CDC25A: variants seen among roughly 807,000 people sequenced by gnomAD.
CDC25A encodes the protein cell division cycle 25A.
A neutral mutation model predicts 64.6 loss-of-function variants in CDC25A; 17 were observed. The observed-to-expected ratio is 0.26, with a 90% CI of 0.18 to 0.39. The LOEUF (loss-of-function observed/expected upper bound fraction) is 0.39, where lower values mean the gene tolerates loss of function less well. Ranked by LOEUF, CDC25A falls within the 10% of genes least tolerant of loss-of-function variation. The pLI is 1.00. For missense variants in CDC25A, 473 were observed against 654.8 expected, an observed-to-expected ratio of 0.72 and a Z score of 3.03; for synonymous variants, 229 against 238.6, an observed-to-expected ratio of 0.96 and a Z score of 0.37.
Position 48,159,100 on chromosome 3 carries a change from G to A in CDC25A, c.1435-15C>T. 2 of 1,613,764 alleles carry A rather than the reference G, an allele frequency of 1.2e-6. No homozygotes were observed. The highest frequency in any genetic ancestry group is 1.7e-6 in the Non-Finnish European group (2 of 1,179,804). ...TCACAGTAAGACTGAGGGGACAGGA[G>A]AGAATAAGGTTAGGGTACACCTGCC... is the stretch of plus-strand genomic sequence containing the variant. On this transcript the variant is annotated splice_polypyrimidine_tract_variant and intron_variant, in intron 14 of 14. Transcript: ENST00000302506.
Position 48,177,454 on chromosome 3 carries a change from G to C in CDC25A, c.685-12C>G. ...GTCTCCTCCTCATTCTAAAGAAACA[G>C]AAAAACTGATTTTAAAAAGAGCCTG... On this transcript the variant is annotated splice_polypyrimidine_tract_variant and intron_variant, in intron 7 of 14. Transcript: ENST00000302506. The C allele has an allele frequency of 6.2e-7, 1 of 1,608,338 alleles. No individual in the cohort carries two copies. The highest frequency in any genetic ancestry group is 8.5e-7 in the Non-Finnish European group (1 of 1,175,410).
rs1321477720 is a variant in CDC25A, at chr3:48,180,807, C to T, written c.463G>A (p.Val155Ile). ...TGAGAGTGCAGGCAGCCACGAGATA[C>T]AGGTCTTACTGGCTTCTTAAACTCA... is the stretch of plus-strand genomic sequence containing the variant. ...AFEFKKPVRP[V>I]SRGCLHSHGL... is the part of the protein sequence containing the mutation. Residue 155 changes from valine (V) to isoleucine (I), a missense_variant, in exon 6 of 15, where the codon GTA becomes ATA. Around this residue, in one of 2 missense-constraint regions of CDC25A, gnomAD observed 376 missense variants for 431.9 expected, o/e 0.87. Transcript: ENST00000302506. The T allele has an allele frequency of 2.5e-6, 4 of 1,613,962 alleles. No individual in the cohort carries two copies. The highest frequency in any genetic ancestry group is 4.5e-5 in the East Asian group (2 of 44,902).
intron 4 of CDC25A, among the ~76,000 whole-genome samples, chr3:48,183,441 TC>T (rs2032738877): frequency 6.6e-6 from 1 of 152,176 alleles, no homozygotes; most frequent in Admixed American, 6.5e-5. Context: ...TTGCCTATAA[TC>T]CTAGCACTTT....
intron 9 of CDC25A, among the ~76,000 whole-genome samples, chr3:48,172,870 G>C (rs1425321064): frequency 1.3e-5 from 2 of 149,214 alleles, no homozygotes; most frequent in Admixed American, 1.3e-4. Flanking sequence ...TCAGAAACAG[G>C]AAACAACAAA....
At position 48,181,111 on chromosome 3, in the gene CDC25A, C is replaced by T. The variant is rs937361470; in HGVS notation, c.430-271G>A. 7.2e-5 allele frequency among the ~76,000 whole-genome samples: 11 copies of T among 152,234 alleles called. No individual in the cohort carries two copies. In the East Asian group the frequency reaches 2.1e-3, roughly 29 times the overall value. On this transcript the variant is annotated intron_variant, in intron 5 of 14. Transcript: ENST00000302506. ...CACGATGAATAAGCTAAATCACAAA[C>T]TTTCTGAAATCTAAAGCAAAAATAA... is the stretch of plus-strand genomic sequence containing the variant.
chr3:48,171,539 C>T (rs991375284), intron 9 of CDC25A, among the ~76,000 whole-genome samples: 2 of 151,558 alleles, frequency 1.3e-5, no homozygotes, highest in African/African-American at 4.8e-5. Flanking sequence ...TACCACCACA[C>T]CCAGCTATTT....
chr3:48,180,874 G>A (rs369006632), intron 5 of CDC25A, 34 bp from the exon 6 acceptor site: 10 of 1,610,604 alleles, frequency 6.2e-6, no homozygotes, highest in Non-Finnish European at 8.5e-6. Flanking sequence ...TACTGTCCAT[G>A]AAAACCAACT....
At chr3:48,174,525 T>C (rs1029501623) in intron 8 of CDC25A, 68 bp from the exon 9 acceptor site, 25 of 1,467,792 alleles carry the variant, frequency 1.7e-5, no homozygotes, top group Admixed American at 4.2e-5. Flanking sequence ...GTAAGACAAA[T>C]AAACCGAAGG....
chr3:48,185,549 T>C (rs1283648282), intron 2 of CDC25A, among the ~76,000 whole-genome samples: 1 of 151,680 alleles, frequency 6.6e-6, no homozygotes, highest in Non-Finnish European at 1.5e-5. Context: ...TTCCAGCTAC[T>C]AGGGAAGCTG....
Position 48,188,009 on chromosome 3 carries a change from C to T in CDC25A, c.-62G>A. ...TCCTCTGCCTCCGCCGCGACCGCCC[C>T]GCCCCGCCGACACCGGCCTCGGCCG... On this transcript the variant is annotated 5_prime_UTR_variant, in exon 1 of 15. Transcript: ENST00000302506. The T allele has an allele frequency of 7.8e-7, 1 of 1,282,752 alleles. No individual in the cohort carries two copies. Among genetic ancestry groups the T allele is most frequent in the Non-Finnish European group, 9.9e-7 (1 of 1,009,352 alleles). The allele number at this position is 1,282,752 out of a possible 1,614,324, so 79.5% of individuals were successfully genotyped here.
In CDC25A at chr3:48,177,922, G is replaced by A. The variant is rs756114919; in HGVS notation, c.616C>T (p.Pro206Ser). The change falls in exon 7 of 15, where the codon CCT (proline) becomes TCT (serine). Residue 206 changes from proline to serine, a missense_variant. Around this residue, in one of 2 missense-constraint regions of CDC25A, gnomAD observed 376 missense variants for 431.9 expected, o/e 0.87. Coordinates refer to ENST00000302506, the MANE Select transcript of CDC25A (RefSeq NM_001789.3). ...NFIPLFTPQS[P>S]VTATLSDEDD... ...TCATCAGACAAAGTGGCTGTCACAG[G>A]TGACTGGGGTGTAAAAAGAGGAATG... The A allele has an allele frequency of 1.2e-6, 2 of 1,613,926 alleles. No individual in the cohort carries two copies. Among genetic ancestry groups the A allele is most frequent in the Middle Eastern group, 1.7e-4 (1 of 6,060 alleles).
rs1391151090 is a variant in CDC25A, at chr3:48,183,750, A to T, written c.327+50T>A. 4 of 1,183,098 alleles carry T rather than the reference A, an allele frequency of 3.4e-6. No individual in the cohort carries two copies. In the African/African-American group the frequency reaches 6.0e-5, roughly 18 times the overall value. The allele number at this position is 1,183,098 out of a possible 1,614,324, so 73.3% of individuals were successfully genotyped here. A position where few individuals can be genotyped will look rare whatever the true frequency, so the allele number is the denominator to read the frequency against. Reference sequence around the variant, plus strand: ...TCCTATCAAGGTCATGCTGGTAGCTAAGGAACAGATAACAGGTATTAGCTC... The same window carrying T: ...TCCTATCAAGGTCATGCTGGTAGCTTAGGAACAGATAACAGGTATTAGCTC... On this transcript the variant is annotated intron_variant, in intron 4 of 14. Coordinates refer to ENST00000302506, the MANE Select transcript of CDC25A (RefSeq NM_001789.3).
chr3:48,179,812 TAGAC>T lies in CDC25A; in HGVS notation c.549+905_549+908del, dbSNP rs376941541. Among the ~76,000 whole-genome samples, 80 of 152,314 alleles carry T rather than the reference TAGAC, an allele frequency of 5.3e-4. 1 individual carries two copies. The highest frequency in any genetic ancestry group is 1.5e-3 in the East Asian group (8 of 5,192). ...ATATAAAAGTGCTTTGTGCAAATGA[TAGAC>T]AGAGTAACAATACTGGCTGAACCTC... On this transcript the variant is annotated intron_variant, in intron 6 of 14. Coordinates refer to ENST00000302506, the MANE Select transcript of CDC25A (RefSeq NM_001789.3).
intron 8 of CDC25A, among the ~76,000 whole-genome samples, chr3:48,177,044 G>A (rs2032490487): frequency 6.6e-6 from 1 of 151,922 alleles, no homozygotes; most frequent in African/African-American, 2.4e-5. Flanking sequence ...TTTTATGCTA[G>A]GTTCTGTGGA....
chr3:48,182,414 T>C (rs1414711038), intron 5 of CDC25A, among the ~76,000 whole-genome samples: 1 of 152,164 alleles, frequency 6.6e-6, no homozygotes, highest in Non-Finnish European at 1.5e-5. Flanking sequence ...TCATTCAGGG[T>C]AGATAACCAG....
intron 13 of CDC25A, among the ~76,000 whole-genome samples, chr3:48,160,163 G>A (rs1412930683): frequency 6.6e-6 from 1 of 152,180 alleles, no homozygotes; most frequent in East Asian, 1.9e-4. Flanking sequence ...CCAGGCTGGA[G>A]TGCAAGGGCG....
rs144370740 is a variant in CDC25A, at chr3:48,176,800, G to A, written c.756+571C>T. Among the ~76,000 whole-genome samples the A allele has an allele frequency of 3.7e-3, 567 of 151,326 alleles. 4 individuals are homozygous for A. Among genetic ancestry groups the A allele is most frequent in the African/African-American group, 0.013 (530 of 41,340 alleles). On this transcript the variant is annotated intron_variant, in intron 8 of 14. Coordinates refer to ENST00000302506, the MANE Select transcript of CDC25A (RefSeq NM_001789.3). ...AGCCTGGCCAACATAATGTAACCCC[G>A]TCTCTACTGAAAATACAAAGATTAG...
intron 13 of CDC25A, among the ~76,000 whole-genome samples, chr3:48,163,800 GGGTCCTTGTT>G (rs2031891454): frequency 6.6e-6 from 1 of 152,070 alleles, no homozygotes; most frequent in African/African-American, 2.4e-5. Context: ...TGCTGCAGTA[GGGTCCTTGTT>G]GGTCCTGCTC....
rs112067852 is a variant in CDC25A at position 48,184,136 on chromosome 3, A to G, written c.291-300T>C. Among the ~76,000 whole-genome samples the G allele has an allele frequency of 2.1e-3, 317 of 152,184 alleles. 3 individuals carry two copies. The highest frequency in any genetic ancestry group is 6.8e-3 in the African/African-American group (284 of 41,536). On this transcript the variant is annotated intron_variant, in intron 3 of 14. Coordinates refer to ENST00000302506, the MANE Select transcript of CDC25A (RefSeq NM_001789.3). ...GGCACTATGGGAGGCCGAGGAGGGT[A>G]TATCACGAGGTCAGGAGTCTCGAAC...
Sources: gnomAD v4.1 joint callset for allele counts (sites outside exome capture counted in the v4.1 genomes callset) on GRCh38, gnomAD v4.1.1 for gene constraint, gnomAD v4.1.1 regional missense constraint, MANE v1.5 for transcripts, NCBI Gene and HGNC (gene_info 2026-07-23, HGNC 2026-07-21) for gene names.